The following SMARCC1 variants were observed in gnomAD, a reference collection of about 807,000 sequenced individuals.
SMARCC1 encodes SWI/SNF related BAF chromatin remodeling complex subunit C1, also known as SWI/SNF complex subunit SMARCC1.
SMARCC1 carries 43 observed loss-of-function variants against 147.4 expected under a neutral mutation model. The ratio of observed to expected loss-of-function variants is 0.29; its 90% CI spans 0.23 to 0.38. SMARCC1 has a LOEUF of 0.38. Among genes scored for constraint, SMARCC1 ranks in the 10% least tolerant of loss-of-function variants. The probability of loss-of-function intolerance (pLI) is 1.00; values close to 1 mark genes in which losing one functional copy is unlikely to be tolerated. For missense variants in SMARCC1, 1,119 were observed against 1,381.1 expected, an observed-to-expected ratio of 0.81 and a Z score of 3.01; for synonymous variants, 495 against 484.4, an observed-to-expected ratio of 1.02 and a Z score of -0.29.
At chr3:47,631,313 T>C (rs1032982897) in intron 24 of SMARCC1, among the ~76,000 whole-genome samples, 3 of 152,204 alleles carry the variant, frequency 2.0e-5, no homozygotes, top group Non-Finnish European at 4.4e-5. Context: ...GGAAAACGTA[T>C]ATATGAGGTG....
At chr3:47,626,435 C>T (rs1284533684) in intron 24 of SMARCC1, among the ~76,000 whole-genome samples, 54 of 144,534 alleles carry the variant, frequency 3.7e-4, no homozygotes, top group African/African-American at 1.3e-3. Flanking sequence ...TGTGAGCCAC[C>T]GTGCCTGGTG....
intron 2 of SMARCC1, among the ~76,000 whole-genome samples, chr3:47,755,080 G>T (rs1005022647): frequency 6.6e-6 from 1 of 151,744 alleles, no homozygotes; most frequent in African/African-American, 2.4e-5. Context: ...GCACAGTTAT[G>T]CACGTCTGTA....
rs191900146 is a variant in SMARCC1 at position 47,595,114 on chromosome 3, G to A, written c.3044-4277C>T. The stretch of plus-strand genomic sequence containing the variant: ...AGGCTGTTCCTCTCAGTGCTGGGTG[G>A]TGCTCCCTGCTGTGGATGGACCACA... On this transcript the variant is annotated intron_variant, in intron 26 of 27. Transcript: ENST00000254480. 4.6e-5 allele frequency among the ~76,000 whole-genome samples: 7 copies of A among 152,294 alleles called. No individual in the cohort carries two copies. In the East Asian group the frequency reaches 1.2e-3, roughly 25 times the overall value.
intron 6 of SMARCC1, 91 bp from the exon 7 acceptor site, chr3:47,720,826 GT>G (rs1251605840): frequency 9.8e-7 from 1 of 1,019,086 alleles, no homozygotes; most frequent in Non-Finnish European, 1.5e-6. Context: ...AGATGTTTTA[GT>G]TTGCTAACGA....
intron 2 of SMARCC1, among the ~76,000 whole-genome samples, chr3:47,765,947 G>A (rs540156126): frequency 1.3e-5 from 2 of 152,120 alleles, no homozygotes; most frequent in Admixed American, 1.3e-4. Context: ...TGGCCAGGCT[G>A]GTTTCGAACT....
intron 26 of SMARCC1, among the ~76,000 whole-genome samples, chr3:47,606,491 T>C (rs1576385432): frequency 6.6e-6 from 1 of 152,184 alleles, no homozygotes; most frequent in Non-Finnish European, 1.5e-5. Context: ...ACACCCATTA[T>C]CATCAAAATC....
chr3:47,777,874 T>C (rs1273072398), intron 1 of SMARCC1, among the ~76,000 whole-genome samples: 1 of 151,682 alleles, frequency 6.6e-6, no homozygotes, highest in Non-Finnish European at 1.5e-5. Flanking sequence ...TCTGATTAGA[T>C]TTTTTTTCCA....
chr3:47,732,817 C>A (rs997217450), intron 5 of SMARCC1, among the ~76,000 whole-genome samples: 2 of 152,028 alleles, frequency 1.3e-5, no homozygotes, highest in Admixed American at 1.3e-4. Context: ...TATAATAATA[C>A]TAAAAAAGTA....
chr3:47,693,114 G>T, intron 12 of SMARCC1, 127 bp downstream of exon 12: 1 of 658,094 alleles, frequency 1.5e-6, no homozygotes, highest in Non-Finnish European at 2.7e-6. Flanking sequence ...AAGCTGTGGT[G>T]AGCTATATTA....
intron 11 of SMARCC1, among the ~76,000 whole-genome samples, chr3:47,696,227 A>T (rs1007296732): frequency 2.0e-5 from 3 of 151,728 alleles, no homozygotes; most frequent in African/African-American, 7.3e-5. Flanking sequence ...AAAAAAAATT[A>T]GCCAGGCGTG....
chr3:47,659,871 C>A (rs894315530), intron 21 of SMARCC1, among the ~76,000 whole-genome samples: 1 of 150,090 alleles, frequency 6.7e-6, no homozygotes, highest in Admixed American at 6.7e-5. Context: ...CAAACCCCAA[C>A]ATCAAACCAC....
intron 8 of SMARCC1, among the ~76,000 whole-genome samples, chr3:47,711,566 GT>G (rs2034085262): frequency 6.6e-6 from 1 of 151,962 alleles, no homozygotes; most frequent in African/African-American, 2.4e-5. Flanking sequence ...AAATGAACAT[GT>G]TCAGTCAAGA....
chr3:47,653,254 GC>G (rs1460137334), intron 21 of SMARCC1, among the ~76,000 whole-genome samples: 1 of 152,182 alleles, frequency 6.6e-6, no homozygotes, highest in Admixed American at 6.5e-5. Flanking sequence ...ACGGCGCCCG[GC>G]CGCTTTACTT....
intron 26 of SMARCC1, among the ~76,000 whole-genome samples, chr3:47,592,798 T>C (rs2032205813): frequency 6.7e-6 from 1 of 148,276 alleles, no homozygotes; most frequent in Non-Finnish European, 1.5e-5. Context: ...GGGGTCTCAC[T>C]ACGTTTCCCA....
intron 24 of SMARCC1, among the ~76,000 whole-genome samples, chr3:47,628,025 A>G (rs1045370466): frequency 6.6e-6 from 1 of 151,800 alleles, no homozygotes; most frequent in African/African-American, 2.4e-5. Context: ...CTGGGTCTAA[A>G]CATCTTTATA....
intron 11 of SMARCC1, among the ~76,000 whole-genome samples, chr3:47,696,081 G>C (rs919476793): frequency 1.8e-4 from 26 of 141,062 alleles, no homozygotes; most frequent in East Asian, 6.4e-4. Context: ...AAAAAAAGGG[G>C]GGGGGGGGGC....
At position 47,671,197 on chromosome 3, in the gene SMARCC1, AAC is replaced by A. The variant is rs1553682027; in HGVS notation, c.1840-482_1840-481del. ...TCAAAAAAAAAAAAAAAAAAAAAAAAACACACACAAAAACCAAAACCAAAAAA... is the reference window on the plus strand; with the variant it reads ...TCAAAAAAAAAAAAAAAAAAAAAAAAACACACAAAAACCAAAACCAAAAAA... On this transcript the variant is annotated intron_variant, in intron 18 of 27. Coordinates refer to ENST00000254480, the MANE Select transcript of SMARCC1 (RefSeq NM_003074.4). Among the ~76,000 whole-genome samples, 133 of 62,326 alleles carry A rather than the reference AAC, an allele frequency of 2.1e-3. 1 individual carries two copies. Among genetic ancestry groups the A allele is most frequent in the African/African-American group, 5.6e-3 (124 of 22,108 alleles). 40.9% of individuals were successfully genotyped at this position (62,326 alleles called of 152,430 possible). A position where few individuals can be genotyped will look rare whatever the true frequency, so the allele number is the denominator to read the frequency against.
chr3:47,680,365 C>A, intron 15 of SMARCC1, 72 bp downstream of exon 15: 1 of 991,644 alleles, frequency 1.0e-6, no homozygotes, highest in Non-Finnish European at 1.6e-6. Flanking sequence ...CAATAAGGAA[C>A]TCAGGTGGAT....
chr3:47,594,771 C>A (rs2032243263), intron 26 of SMARCC1, among the ~76,000 whole-genome samples: 1 of 152,198 alleles, frequency 6.6e-6, no homozygotes, highest in African/African-American at 2.4e-5. Flanking sequence ...GACCCAAGGA[C>A]TCAGGCATCC....
Sources: allele counts gnomAD v4.1 joint callset (sites outside exome capture counted in the v4.1 genomes callset), GRCh38; gene constraint gnomAD v4.1.1; transcripts MANE v1.5; gene names NCBI Gene and HGNC (gene_info 2026-07-23, HGNC 2026-07-21).